The following PREX1 variants were observed in gnomAD, a reference collection of about 807,000 sequenced individuals.
The protein encoded by PREX1 is phosphatidylinositol 3,4,5-trisphosphate-dependent Rac exchanger 1 protein.
PREX1 carries 41 observed loss-of-function variants against 198.3 expected under a neutral mutation model. The observed-to-expected ratio is 0.21, with a 90% CI of 0.16 to 0.27. The LOEUF (loss-of-function observed/expected upper bound fraction) is 0.27, where lower values mean the gene tolerates loss of function less well. PREX1 is among the 10% of genes least tolerant of loss of function. The pLI is 1.00. For missense variants in PREX1, 1,620 were observed against 2,200.7 expected (o/e 0.74, Z 5.28); for synonymous variants, 843 against 887.2 (o/e 0.95, Z 0.89).
Position 48,749,483 on chromosome 20 carries a change from G to A in PREX1, c.220-1603C>T, listed in dbSNP as rs147462689. Among the ~76,000 whole-genome samples, 10 of 152,282 alleles carry A rather than the reference G, an allele frequency of 6.6e-5. No homozygotes were observed. The East Asian group carries it at 9.6e-4, about 15-fold the overall frequency. On this transcript the variant is annotated intron_variant, in intron 1 of 39. Transcript: ENST00000371941. ...GATCTCTGAGTGCAGGAGAGATGGC[G>A]GGGACAGCCCAAGATAGTGCTGGGG...
intron 5 of PREX1, among the ~76,000 whole-genome samples, chr20:48,714,594 CA>C: frequency 6.6e-6 from 1 of 152,086 alleles, no homozygotes; most frequent in South Asian, 2.1e-4. Context: ...AGCTATAATC[CA>C]AAACATGAAT....
the PREX1 span, among the ~76,000 whole-genome samples, chr20:48,837,433 GT>G: frequency 6.6e-6 from 1 of 152,336 alleles, no homozygotes; most frequent in East Asian, 1.9e-4. Flanking sequence ...ATGCCCATCA[GT>G]GGCAGACTGG....
At chr20:48,660,613 G>C (rs2122938955) in intron 15 of PREX1, among the ~76,000 whole-genome samples, 1 of 152,310 alleles carries the variant, frequency 6.6e-6, no homozygotes, top group East Asian at 1.9e-4. Flanking sequence ...TCCTAGAGAA[G>C]AAAAGGAGTC....
At chr20:48,874,825 C>T in the PREX1 span, among the ~76,000 whole-genome samples, 2 of 149,624 alleles carry the variant, frequency 1.3e-5, no homozygotes, top group South Asian at 2.1e-4. Context: ...TGTAGTGAGC[C>T]GAGATCACAC....
chr20:48,678,057 T>C (rs1169194617), intron 13 of PREX1, among the ~76,000 whole-genome samples: 2 of 151,912 alleles, frequency 1.3e-5, no homozygotes, highest in African/African-American at 4.8e-5. Context: ...TTCACGCCTG[T>C]AATTCCAGCA....
chr20:48,775,067 T>G (rs2090254739), intron 1 of PREX1, among the ~76,000 whole-genome samples: 1 of 152,104 alleles, frequency 6.6e-6, no homozygotes, highest in South Asian at 2.1e-4. Flanking sequence ...GCTCACACGG[T>G]TTCCACCACC....
intron 5 of PREX1, among the ~76,000 whole-genome samples, chr20:48,724,984 G>A (rs1193310495): frequency 2.0e-5 from 3 of 152,176 alleles, no homozygotes; most frequent in Non-Finnish European, 4.4e-5. Context: ...TCAACAGCAG[G>A]AGCAGACCAG....
At chr20:48,725,956 A>G (rs765250831) in intron 5 of PREX1, among the ~76,000 whole-genome samples, 1 of 152,254 alleles carries the variant, frequency 6.6e-6, no homozygotes, top group Non-Finnish European at 1.5e-5. Context: ...ACCATTTGGC[A>G]TATGACCTTC....
chr20:48,731,818 C>T (rs1485366246), intron 4 of PREX1, among the ~76,000 whole-genome samples: 2 of 152,202 alleles, frequency 1.3e-5, no homozygotes, highest in Admixed American at 1.3e-4. Context: ...AGGAATAGGG[C>T]AGTTTGACCC....
At chr20:48,860,329 A>G in the PREX1 span, among the ~76,000 whole-genome samples, 6 of 152,214 alleles carry the variant, frequency 3.9e-5, no homozygotes, top group Non-Finnish European at 8.8e-5. Context: ...AGTAGTCAAA[A>G]TCATAGAGAC....
In PREX1 at chr20:48,661,468, T is replaced by TATATATATATATACATATACAC. The variant is rs1373152651; in HGVS notation, c.1739-1408_1739-1407insGTGTATATGTATATATATATAT. ...AAATATATATATATATATATATATATACACACACATATATATAATATAATA... is the reference window on the plus strand; with the variant it reads ...AAATATATATATATATATATATATATATATATATATATACATATACACACACACACATATATATAATATAATA... On this transcript the variant is annotated intron_variant, in intron 15 of 39. Transcript: ENST00000371941. Among the ~76,000 whole-genome samples, 13 of 76,798 alleles carry TATATATATATATACATATACAC rather than the reference T, an allele frequency of 1.7e-4. 1 individual carries two copies. Among genetic ancestry groups the TATATATATATATACATATACAC allele is most frequent in the African/African-American group, 1.3e-3 (13 of 9,964 alleles). The allele number at this position is 76,798 out of a possible 152,430, so 50.4% of individuals were successfully genotyped here.
At chr20:48,796,866 A>C (rs2122993789) in intron 1 of PREX1, among the ~76,000 whole-genome samples, 1 of 151,936 alleles carries the variant, frequency 6.6e-6, no homozygotes, top group African/African-American at 2.4e-5. Context: ...TATACTATAT[A>C]ATTCCATTTT....
intron 39 of PREX1, among the ~76,000 whole-genome samples, chr20:48,627,115 G>C (rs1159584293): frequency 6.6e-6 from 1 of 152,136 alleles, no homozygotes; most frequent in Non-Finnish European, 1.5e-5. Context: ...TAAAAGGTTA[G>C]CTTAGGTTGG....
chr20:48,668,467 G>C (rs1466354049), intron 14 of PREX1, among the ~76,000 whole-genome samples: 1 of 152,198 alleles, frequency 6.6e-6, no homozygotes, highest in Non-Finnish European at 1.5e-5. Flanking sequence ...CAATGAGCTT[G>C]AACTCCAAAG....
chr20:48,847,928 G>A, the PREX1 span, among the ~76,000 whole-genome samples: 2 of 152,136 alleles, frequency 1.3e-5, no homozygotes, highest in African/African-American at 2.4e-5. Context: ...ATTTCTCCAC[G>A]TATCAGTAGC....
intron 1 of PREX1, among the ~76,000 whole-genome samples, chr20:48,756,743 G>A (rs973829965): frequency 5.9e-5 from 9 of 152,118 alleles, no homozygotes; most frequent in Non-Finnish European, 8.8e-5. Context: ...GATATCTGCA[G>A]GGCCCCACCC....
chr20:48,711,930 G>A (rs185474807), intron 5 of PREX1, among the ~76,000 whole-genome samples: 189 of 152,312 alleles, frequency 1.2e-3, no homozygotes, highest in African/African-American at 4.3e-3. Flanking sequence ...AAACCCTGGT[G>A]GTGAGGGGCA....
At chr20:48,885,012 T>C in the PREX1 span, among the ~76,000 whole-genome samples, 1 of 152,204 alleles carries the variant, frequency 6.6e-6, no homozygotes, top group Non-Finnish European at 1.5e-5. Flanking sequence ...CCATTATACC[T>C]AGCTGTGTGA....
chr20:48,740,371 G>C (rs2090075580), intron 3 of PREX1, among the ~76,000 whole-genome samples: 1 of 152,192 alleles, frequency 6.6e-6, no homozygotes, highest in Non-Finnish European at 1.5e-5. Flanking sequence ...CCCTCTCCTA[G>C]AGCTGCCTTC....
Sources: allele counts gnomAD v4.1 joint callset (sites outside exome capture counted in the v4.1 genomes callset), GRCh38; gene constraint gnomAD v4.1.1; transcripts MANE v1.5; gene names NCBI Gene and HGNC (gene_info 2026-07-23, HGNC 2026-07-21).